The following DHTKD1 variants were observed in gnomAD, a reference collection of about 807,000 sequenced individuals.
The protein encoded by DHTKD1 is 2-oxoadipate dehydrogenase complex component E1.
Under a neutral mutation model 101.8 loss-of-function variants are expected in DHTKD1, and 78 were observed. That is an observed-to-expected ratio of 0.77 (90% CI 0.64 to 0.93). The LOEUF (loss-of-function observed/expected upper bound fraction) is 0.93. Ranked by LOEUF, DHTKD1 falls within the 40% of genes least tolerant of loss-of-function variation. The probability of loss-of-function intolerance (pLI) is 0.00; values close to 1 mark genes in which losing one functional copy is unlikely to be tolerated. For synonymous variants in DHTKD1, 462 were observed against 450.3 expected (o/e 1.03, Z -0.33); for missense variants, 1,223 against 1,161.7 (o/e 1.05, Z -0.77).
chr10:12,072,557 G>A (rs1832667783), intron 1 of DHTKD1, among the ~76,000 whole-genome samples: 1 of 152,082 alleles, frequency 6.6e-6, no homozygotes, highest in Non-Finnish European at 1.5e-5. Context: ...CCTTTTGGAT[G>A]GCAGTGGTTT....
intron 13 of DHTKD1, among the ~76,000 whole-genome samples, chr10:12,114,826 C>T (rs1258733683): frequency 2.0e-5 from 3 of 152,236 alleles, no homozygotes; most frequent in South Asian, 2.1e-4. Context: ...GACGGAGTCT[C>T]GCTCTGTCGC....
chr10:12,114,863 T>A (rs1833390156), intron 13 of DHTKD1, among the ~76,000 whole-genome samples: 1 of 152,038 alleles, frequency 6.6e-6, no homozygotes, highest in Non-Finnish European at 1.5e-5. Flanking sequence ...TGCTGCGATC[T>A]CGGCTCACTG....
At chr10:12,111,204 C>T (rs541378885) in intron 12 of DHTKD1, among the ~76,000 whole-genome samples, 7 of 152,238 alleles carry the variant, frequency 4.6e-5, no homozygotes, top group Admixed American at 1.3e-4. Context: ...CTTGCTCTGT[C>T]ACCCAGGCTG....
chr10:12,081,066 C>T lies in DHTKD1; in HGVS notation c.155-406C>T, dbSNP rs967884194. ...CTGTAATCCCAGCACTTTGGGAGGCCGAGGCGGGCAGATCATGAGGTCAGG... is the reference window on the plus strand; with the variant it reads ...CTGTAATCCCAGCACTTTGGGAGGCTGAGGCGGGCAGATCATGAGGTCAGG... On this transcript the variant is annotated intron_variant, in intron 1 of 16. Transcript: ENST00000263035. Among the ~76,000 whole-genome samples the T allele has an allele frequency of 9.2e-5, 14 of 151,808 alleles. No homozygotes were observed. The East Asian group carries it at 2.5e-3, about 27-fold the overall frequency.
chr10:12,118,545 G>T (rs1198065566), intron 14 of DHTKD1, among the ~76,000 whole-genome samples: 2 of 151,960 alleles, frequency 1.3e-5, no homozygotes, highest in Non-Finnish European at 2.9e-5. Flanking sequence ...AGTACGCCCG[G>T]CTAATTTTTT....
chr10:12,079,642 T>C (rs1355616578), intron 1 of DHTKD1, among the ~76,000 whole-genome samples: 3 of 151,994 alleles, frequency 2.0e-5, no homozygotes, highest in Non-Finnish European at 4.4e-5. Context: ...CACTCCAGCC[T>C]GGCGATAGAG....
At chr10:12,083,640 A>G (rs768715547) in intron 2 of DHTKD1, among the ~76,000 whole-genome samples, 11 of 152,074 alleles carry the variant, frequency 7.2e-5, no homozygotes, top group Non-Finnish European at 1.5e-4. Context: ...AGGCTGAGGC[A>G]GGAGAATCAC....
intron 10 of DHTKD1, 120 bp from the exon 11 acceptor site, chr10:12,106,124 ATG>A: frequency 2.0e-6 from 2 of 1,005,520 alleles, no homozygotes; most frequent in South Asian, 1.5e-5. Context: ...AACAAAAAGA[ATG>A]TGGTGATGAA....
At chr10:12,075,227 T>C (rs897249903) in intron 1 of DHTKD1, among the ~76,000 whole-genome samples, 2 of 152,180 alleles carry the variant, frequency 1.3e-5, no homozygotes, top group Non-Finnish European at 2.9e-5. Flanking sequence ...TCACCCAGGC[T>C]GGAGTGCAGT....
chr10:12,071,136 G>A (rs1399537206), intron 1 of DHTKD1, among the ~76,000 whole-genome samples: 2 of 152,188 alleles, frequency 1.3e-5, no homozygotes, highest in Non-Finnish European at 2.9e-5. Flanking sequence ...TTCTGTATTA[G>A]ATTGGAAGAG....
chr10:12,069,701 T>C, intron 1 of DHTKD1, among the ~76,000 whole-genome samples: 1 of 136,190 alleles, frequency 7.3e-6, no homozygotes. Context: ...TTTTTTTTTT[T>C]TTTTTTTTTC....
rs2062988 is a variant in DHTKD1 at position 12,101,106 on chromosome 10, C to A, written c.1821C>A (p.Ile607=). 5 of 1,613,768 alleles carry A rather than the reference C, an allele frequency of 3.1e-6. No individual in the cohort carries two copies. Among genetic ancestry groups the A allele is most frequent in the South Asian group, 1.1e-5 (1 of 91,084 alleles). ...GAACTTTCAGTCAGAGGCATGCAAT[C>A]GTGGTTTGCCAGGAGACGGATGACA... The part of the protein sequence containing the change: ...GRGTFSQRHA[I]VVCQETDDTY... Residue 607 remains isoleucine, a synonymous_variant, in exon 10 of 17, where the codon ATC becomes ATA. Coordinates refer to ENST00000263035, the MANE Select transcript of DHTKD1 (RefSeq NM_018706.7).
chr10:12,099,103 G>A (rs1488177995), intron 8 of DHTKD1, among the ~76,000 whole-genome samples: 4 of 151,816 alleles, frequency 2.6e-5, no homozygotes, highest in African/African-American at 9.7e-5. Context: ...CCAGAAGGTC[G>A]AGCCTGCAAT....
intron 6 of DHTKD1, among the ~76,000 whole-genome samples, chr10:12,092,677 C>T (rs1227332523): frequency 6.6e-6 from 1 of 151,838 alleles, no homozygotes; most frequent in Non-Finnish European, 1.5e-5. Context: ...GTGGTGCATG[C>T]CTGTAATCCC....
At chr10:12,114,378 C>T (rs987831320) in intron 13 of DHTKD1, among the ~76,000 whole-genome samples, 3 of 151,600 alleles carry the variant, frequency 2.0e-5, no homozygotes, top group Non-Finnish European at 4.4e-5. Flanking sequence ...CTCACTGCAA[C>T]CTCCAACTCC....
Position 12,069,129 on chromosome 10 carries a change from C to CT in DHTKD1, c.97dup (p.Tyr33LeufsTer21). 6.3e-7 allele frequency: 1 copy of CT among 1,598,454 alleles called. No homozygotes were observed. Among genetic ancestry groups the CT allele is most frequent in the Non-Finnish European group, 8.5e-7 (1 of 1,174,172 alleles). Reference sequence around the variant, plus strand: ...ACCAGACCGAGCGGGGCGTTTACGGCTACCGGCCGAGGAAGCCCGAGAGCC... The same window carrying CT: ...ACCAGACCGAGCGGGGCGTTTACGGCTTACCGGCCGAGGAAGCCCGAGAGCC... On this transcript the variant is annotated frameshift_variant, in exon 1 of 17. Coordinates refer to ENST00000263035, the MANE Select transcript of DHTKD1 (RefSeq NM_018706.7). LOFTEE classifies it high-confidence loss of function.
Position 12,076,475 on chromosome 10 carries a change from C to CA in DHTKD1, c.155-4988dup, listed in dbSNP as rs369767715. On this transcript the variant is annotated intron_variant, in intron 1 of 16. Transcript: ENST00000263035. ...TTGGCAACAGAGCGAGACTCTGTCT[C>CA]AAAAAAAAAGAGCTTTATTGTACAT... Among the ~76,000 whole-genome samples the CA allele has an allele frequency of 8.7e-5, 13 of 149,092 alleles. No individual in the cohort carries two copies. In the East Asian group the frequency reaches 9.9e-4, roughly 11 times the overall value.
At chr10:12,079,452 A>G (rs1205244859) in intron 1 of DHTKD1, among the ~76,000 whole-genome samples, 3 of 151,880 alleles carry the variant, frequency 2.0e-5, no homozygotes, top group South Asian at 4.2e-4. Context: ...GGTGGATCAC[A>G]AGGTCAGGAG....
At chr10:12,105,964 G>A (rs966799223) in intron 10 of DHTKD1, among the ~76,000 whole-genome samples, 1 of 152,066 alleles carries the variant, frequency 6.6e-6, no homozygotes, top group Non-Finnish European at 1.5e-5. Flanking sequence ...GCATGGTGGC[G>A]GGTGCCTGTA....
Sources: allele counts gnomAD v4.1 joint callset (sites outside exome capture counted in the v4.1 genomes callset), GRCh38; gene constraint gnomAD v4.1.1; transcripts MANE v1.5; gene names NCBI Gene and HGNC (gene_info 2026-07-23, HGNC 2026-07-21).